C17orf99: variants seen among roughly 807,000 people sequenced by gnomAD.
C17orf99 encodes chromosome 17 open reading frame 99.
Under a neutral mutation model 22.6 loss-of-function variants are expected in C17orf99, and 18 were observed. The observed-to-expected ratio is 0.80, with a 90% CI of 0.55 to 1.18. C17orf99 has a LOEUF of 1.18. Ranked by LOEUF, C17orf99 falls within the 50% of genes most tolerant of loss-of-function variation. The pLI is 0.00. For missense variants in C17orf99, 328 were observed against 342.7 expected, an observed-to-expected ratio of 0.96 and a Z score of 0.34; for synonymous variants, 147 against 136.6, an observed-to-expected ratio of 1.08 and a Z score of -0.53.
chr17:78,152,666 T>C (rs1229370021), intron 2 of C17orf99, among the ~76,000 whole-genome samples: 1 of 150,060 alleles, frequency 6.7e-6, no homozygotes, highest in Non-Finnish European at 1.5e-5. Context: ...AGAGACAGGA[T>C]CTTGCTTTTT....
In C17orf99 at chr17:78,164,143, C is replaced by A. The variant is rs1310156119; in HGVS notation, c.419C>A (p.Ala140Glu). The A allele has an allele frequency of 1.2e-5, 19 of 1,551,580 alleles. No homozygotes were observed. Among genetic ancestry groups the A allele is most frequent in the African/African-American group, 6.8e-5 (5 of 73,076 alleles). The stretch of plus-strand genomic sequence containing the variant: ...AACTTCACTCTGCAGGACAGAGGGG[C>A]AGGCCCCAGGGTGGAGATGATCTGC... The part of the protein sequence containing the change: ...RANFTLQDRG[A>E]GPRVEMICQA... Residue 140 changes from alanine to glutamate, a missense_variant, in exon 4 of 5, where the codon GCA (alanine) becomes GAA (glutamate). Physicochemically the swap from Ala to Glu is moderately radical, Grantham distance 107. Transcript: ENST00000340363.
chr17:78,155,562 C>T (rs2075518919), intron 2 of C17orf99, among the ~76,000 whole-genome samples: 1 of 152,116 alleles, frequency 6.6e-6, no homozygotes, highest in Admixed American at 6.6e-5. Context: ...AGCAATCCTC[C>T]CGCCTTGGCC....
At chr17:78,164,012 T>C in intron 3 of C17orf99, 83 bp from the exon 4 acceptor site, 1 of 1,227,048 alleles carries the variant, frequency 8.1e-7, no homozygotes, top group Non-Finnish European at 1.2e-6. Flanking sequence ...TCATTAGGCA[T>C]TTTGTAATGA....
In C17orf99 at chr17:78,164,375, C is replaced by T. The variant is rs977937512; in HGVS notation, c.640+11C>T. 1 of 1,551,238 alleles carries T rather than the reference C, an allele frequency of 6.4e-7. No individual in the cohort carries two copies. The highest frequency in any genetic ancestry group is 8.7e-7 in the Non-Finnish European group (1 of 1,146,988). On this transcript the variant is annotated intron_variant, in intron 4 of 4. Coordinates refer to ENST00000340363, the MANE Select transcript of C17orf99 (RefSeq NM_001163075.2). ...CAGTGGTGCCCCCAGGTGAGAGGGC[C>T]CTTGGATTTCCAGAGGGGCAGCTGG...
Position 78,157,980 on chromosome 17 carries a change from T to C in C17orf99, c.71-2975T>C, listed in dbSNP as rs953931969. 3.1e-6 allele frequency: 4 copies of C among 1,271,334 alleles called. No individual in the cohort carries two copies. The Admixed American group carries it at 7.0e-5, about 22-fold the overall frequency. The allele number at this position is 1,271,334 out of a possible 1,614,324, so 78.8% of individuals were successfully genotyped here. On this transcript the variant is annotated intron_variant, in intron 2 of 4. Coordinates refer to ENST00000340363, the MANE Select transcript of C17orf99 (RefSeq NM_001163075.2). ...GATATCTGCCTGTCAACTCATAACA[T>C]GGATGTCCCCAGCATCAAAAGGAAT...
chr17:78,165,461 G>A (rs2075610523), intron 4 of C17orf99: 3 of 985,612 alleles, frequency 3.0e-6, no homozygotes, highest in South Asian at 4.7e-5. Flanking sequence ...GGGTGAGTAA[G>A]CCTCATGTCT....
At chr17:78,158,304 T>C (rs988443809) in intron 2 of C17orf99, 2 of 389,240 alleles carry the variant, frequency 5.1e-6, no homozygotes, top group Non-Finnish European at 1.0e-5. Context: ...CTACACATTT[T>C]TTTTTTTTGA....
intron 2 of C17orf99, among the ~76,000 whole-genome samples, chr17:78,160,433 G>T (rs1395965198): frequency 6.6e-6 from 1 of 151,836 alleles, no homozygotes; most frequent in Non-Finnish European, 1.5e-5. Flanking sequence ...CTATTCGGGA[G>T]GCTGAAGCAG....
rs928330511 is a variant in C17orf99, at chr17:78,166,184, C to G, written c.*138C>G. On this transcript the variant is annotated 3_prime_UTR_variant, in exon 5 of 5. Coordinates refer to ENST00000340363, the MANE Select transcript of C17orf99 (RefSeq NM_001163075.2). ...AAAAAAAAAAAAAAAAAAAGGGTAA[C>G]TATGAGAGATGGTGGATATGTTAAC... 4.4e-5 allele frequency: 17 copies of G among 387,210 alleles called. No homozygotes were observed. The highest frequency in any genetic ancestry group is 7.2e-5 in the Non-Finnish European group (16 of 223,452). 24.0% of individuals were successfully genotyped at this position (387,210 alleles called of 1,614,324 possible).
chr17:78,157,043 T>C (rs1391106153), intron 2 of C17orf99, among the ~76,000 whole-genome samples: 1 of 150,702 alleles, frequency 6.6e-6, no homozygotes, highest in Non-Finnish European at 1.5e-5. Context: ...TTAAAAGTGA[T>C]AATTGGCCGT....
intron 2 of C17orf99, among the ~76,000 whole-genome samples, chr17:78,159,430 C>T (rs766999228): frequency 1.4e-4 from 21 of 151,916 alleles, no homozygotes; most frequent in Non-Finnish European, 2.5e-4. Flanking sequence ...CCTGAGGTCT[C>T]GAGTTCAAGA....
At chr17:78,163,910 G>A (rs1026558070) in intron 3 of C17orf99, among the ~76,000 whole-genome samples, 185 bp from the exon 4 acceptor site, 3 of 152,248 alleles carry the variant, frequency 2.0e-5, no homozygotes, top group African/African-American at 7.2e-5. Flanking sequence ...GAAATTGTGT[G>A]GTACACACGG....
In C17orf99 at chr17:78,148,207, A is replaced by AC. The variant is rs1437894414; in HGVS notation, c.70+1301dup. Reference sequence around the variant, plus strand: ...AGACCAGCCTGACCGACACAGTGAGACCCCCATCTCTTAAAAAAAAAAAAA... The same window carrying AC: ...AGACCAGCCTGACCGACACAGTGAGACCCCCCATCTCTTAAAAAAAAAAAAA... On this transcript the variant is annotated intron_variant, in intron 2 of 4. Coordinates refer to ENST00000340363, the MANE Select transcript of C17orf99 (RefSeq NM_001163075.2). Among the ~76,000 whole-genome samples, 15 of 136,310 alleles carry AC rather than the reference A, an allele frequency of 1.1e-4. 1 individual carries two copies. The South Asian group carries it at 2.9e-3, about 26-fold the overall frequency. 89.4% of individuals were successfully genotyped at this position (136,310 alleles called of 152,430 possible). A position where few individuals can be genotyped will look rare whatever the true frequency, so the allele number is the denominator to read the frequency against.
At chr17:78,151,824 T>TAAC (rs1298369947) in intron 2 of C17orf99, among the ~76,000 whole-genome samples, 2 of 152,188 alleles carry the variant, frequency 1.3e-5, no homozygotes, top group Non-Finnish European at 2.9e-5. Context: ...ATTCAACCCT[T>TAAC]AACGGACGGC....
At chr17:78,158,069 C>A in intron 2 of C17orf99, 2 of 1,199,740 alleles carry the variant, frequency 1.7e-6, no homozygotes, top group Non-Finnish European at 1.2e-6. Flanking sequence ...CATGGAGGTG[C>A]GAGAGGACTT....
At chr17:78,150,475 T>C (rs537900819) in intron 2 of C17orf99, among the ~76,000 whole-genome samples, 3 of 152,276 alleles carry the variant, frequency 2.0e-5, no homozygotes, top group Non-Finnish European at 4.4e-5. Context: ...CTGGCAAGTA[T>C]AGCATTAAGC....
At chr17:78,150,319 T>A (rs1466178836) in intron 2 of C17orf99, among the ~76,000 whole-genome samples, 1 of 152,126 alleles carries the variant, frequency 6.6e-6, no homozygotes, top group Non-Finnish European at 1.5e-5. Context: ...ATATTTCAAA[T>A]TTTTTTGTAG....
chr17:78,158,009 T>A, intron 2 of C17orf99: 6 of 1,359,968 alleles, frequency 4.4e-6, no homozygotes, highest in Non-Finnish European at 4.1e-6. Flanking sequence ...AAGGAATGAC[T>A]TCCAGCTGAT....
intron 2 of C17orf99, among the ~76,000 whole-genome samples, chr17:78,153,893 T>C (rs2075504857): frequency 6.7e-6 from 1 of 148,976 alleles, no homozygotes; most frequent in Middle Eastern, 3.6e-3. Flanking sequence ...AAAGCCTGTT[T>C]AGGGAAAAAA....
Sources: gnomAD v4.1 joint callset for allele counts (sites outside exome capture counted in the v4.1 genomes callset) on GRCh38, gnomAD v4.1.1 for gene constraint, MANE v1.5 for transcripts, NCBI Gene and HGNC (gene_info 2026-07-23, HGNC 2026-07-21) for gene names.